Variants in CNTNAP5 observed in about 807,000 individuals in gnomAD.
The protein encoded by CNTNAP5 is contactin-associated protein-like 5.
Under a neutral mutation model 150.2 loss-of-function variants are expected in CNTNAP5, and 72 were observed. The ratio of observed to expected loss-of-function variants is 0.48; its 90% confidence interval spans 0.40 to 0.58. CNTNAP5 has a LOEUF of 0.58. CNTNAP5 is among the 20% of genes least tolerant of loss of function. CNTNAP5 has a pLI of 0.00. For missense variants in CNTNAP5, 1,636 were observed against 1,626.2 expected, an observed-to-expected ratio of 1.01 and a Z score of -0.10; for synonymous variants, 672 against 619.8, an observed-to-expected ratio of 1.08 and a Z score of -1.25.
intron 1 of CNTNAP5, among the ~76,000 whole-genome samples, chr2:124,032,630 C>T (rs908048140): frequency 2.0e-5 from 3 of 151,976 alleles, no homozygotes; most frequent in African/African-American, 7.3e-5. Context: ...CATATATGAG[C>T]TAGTAAACTC....
At chr2:124,348,983 C>G (rs17673411) in intron 3 of CNTNAP5, among the ~76,000 whole-genome samples, 6,740 of 152,140 alleles carry the variant, frequency 0.044, 219 homozygotes, top group Non-Finnish European at 0.07. Context: ...ATGCCCTTCC[C>G]AGAGGTGTGT....
Position 124,147,327 on chromosome 2 carries a change from C to T in CNTNAP5, c.83-74378C>T, listed in dbSNP as rs191873096. 3.9e-5 allele frequency among the ~76,000 whole-genome samples: 6 copies of T among 152,240 alleles called. No individual in the cohort carries two copies. In the East Asian group the frequency reaches 1.2e-3, roughly 29 times the overall value. The stretch of plus-strand genomic sequence containing the variant: ...TATCAGCTAACACACTATATATTAG[C>T]TAACACACAGTGGGATTTGAGACAG... On this transcript the variant is annotated intron_variant, in intron 1 of 23. Coordinates refer to ENST00000682447, the MANE Select transcript of CNTNAP5 (RefSeq NM_001367498.1).
intron 3 of CNTNAP5, among the ~76,000 whole-genome samples, chr2:124,330,565 C>T (rs1215327035): frequency 6.6e-6 from 1 of 152,156 alleles, no homozygotes; most frequent in Admixed American, 6.6e-5. Flanking sequence ...CTTAGCACTT[C>T]TCCTTCCTGC....
chr2:124,072,097 G>A (rs1217973952), intron 1 of CNTNAP5, among the ~76,000 whole-genome samples: 1 of 151,922 alleles, frequency 6.6e-6, no homozygotes, highest in Non-Finnish European at 1.5e-5. Context: ...CAATCAGTGT[G>A]ATACATCTTA....
At chr2:124,761,942 A>G (rs1680963787) in intron 14 of CNTNAP5, among the ~76,000 whole-genome samples, 1 of 152,096 alleles carries the variant, frequency 6.6e-6, no homozygotes, top group Non-Finnish European at 1.5e-5. Context: ...GTTGGCATTG[A>G]TGGGCAGACT....
chr2:124,032,578 A>T (rs1573704271), intron 1 of CNTNAP5, among the ~76,000 whole-genome samples: 1 of 152,238 alleles, frequency 6.6e-6, no homozygotes, highest in Non-Finnish European at 1.5e-5. Context: ...GTTACACAGC[A>T]TTGGAAAAAA....
intron 14 of CNTNAP5, among the ~76,000 whole-genome samples, chr2:124,752,915 A>G (rs1280785244): frequency 1.3e-5 from 2 of 152,144 alleles, no homozygotes; most frequent in Admixed American, 6.5e-5. Flanking sequence ...AGCATGTTGG[A>G]GAAGGCAGAG....
At chr2:124,568,816 C>T (rs1300936146) in intron 11 of CNTNAP5, among the ~76,000 whole-genome samples, 1 of 152,080 alleles carries the variant, frequency 6.6e-6, no homozygotes, top group Non-Finnish European at 1.5e-5. Context: ...GAGGCCGAGG[C>T]GGGCAGATCA....
intron 13 of CNTNAP5, among the ~76,000 whole-genome samples, chr2:124,706,795 AAGGAGG>A (rs1192390906): frequency 1.2e-3 from 22 of 18,872 alleles, no homozygotes; most frequent in African/African-American, 3.9e-3. Context: ...GAAGAAGAAG[AAGGAGG>A]AGGAGGAGGA....
intron 1 of CNTNAP5, among the ~76,000 whole-genome samples, chr2:124,100,086 G>GCAGCCTGTACAGGAAGCATAA (rs146081030): frequency 0.093 from 14,120 of 152,216 alleles, 779 homozygotes; most frequent in Non-Finnish European, 0.13. Flanking sequence ...TCACCGTTAT[G>GCAGCCTGTACAGGAAGCATAA]CAGCTTCTGC....
intron 3 of CNTNAP5, among the ~76,000 whole-genome samples, chr2:124,369,765 T>C (rs776291118): frequency 6.6e-6 from 1 of 152,148 alleles, no homozygotes; most frequent in Non-Finnish European, 1.5e-5. Flanking sequence ...TTCAAAAATC[T>C]TCATCGGACA....
At chr2:124,608,019 AT>A (rs1677294070) in intron 11 of CNTNAP5, among the ~76,000 whole-genome samples, 1 of 152,204 alleles carries the variant, frequency 6.6e-6, no homozygotes, top group East Asian at 1.9e-4. Flanking sequence ...GTTCACTCTA[AT>A]TTATAAAAAG....
chr2:124,532,409 G>A (rs183467110), intron 10 of CNTNAP5, among the ~76,000 whole-genome samples: 51 of 152,200 alleles, frequency 3.4e-4, no homozygotes, highest in East Asian at 2.3e-3. Flanking sequence ...TCTCTGCCCC[G>A]CATCCATGTA....
chr2:124,037,397 G>C (rs1681255145), intron 1 of CNTNAP5, among the ~76,000 whole-genome samples: 1 of 152,144 alleles, frequency 6.6e-6, no homozygotes, highest in South Asian at 2.1e-4. Context: ...GTTCATTGCA[G>C]CATTATCTAC....
intron 19 of CNTNAP5, among the ~76,000 whole-genome samples, chr2:124,799,686 A>T (rs900629447): frequency 1.3e-5 from 2 of 152,178 alleles, no homozygotes; most frequent in Non-Finnish European, 2.9e-5. Context: ...TTCCTCTTTG[A>T]TTCATCTTGC....
chr2:124,750,613 G>A (rs1292435366), intron 14 of CNTNAP5, among the ~76,000 whole-genome samples: 1 of 152,152 alleles, frequency 6.6e-6, no homozygotes, highest in East Asian at 1.9e-4. Flanking sequence ...TGCCCTTGAG[G>A]AACCCTCAGA....
At chr2:124,564,178 T>A (rs990159935) in intron 11 of CNTNAP5, among the ~76,000 whole-genome samples, 26 of 152,116 alleles carry the variant, frequency 1.7e-4, no homozygotes, top group African/African-American at 5.6e-4. Context: ...ACAGGGGTCC[T>A]CTGCTCTGTG....
rs202245541 is a variant in CNTNAP5, at chr2:124,434,511, G to A, written c.557G>A (p.Arg186Gln). The A allele has an allele frequency of 1.0e-4, 167 of 1,613,868 alleles. No homozygotes were observed. In the African/African-American group the frequency reaches 1.3e-3, roughly 12 times the overall value. ...TCAGATGTTGCTGACTTTGATGGCC[G>A]AAGCTCACTTCTGTACAGGTTCAAT... ...YKSDVADFDG[R>Q]SSLLYRFNQK... The change falls in exon 5 of 24, where the codon CGA becomes CAA. Residue 186 changes from arginine to glutamine, a missense_variant. Physicochemically the swap from Arg to Gln is conservative, Grantham distance 43. Transcript: ENST00000682447.
Position 124,591,116 on chromosome 2 carries a change from C to A in CNTNAP5, c.1757-18685C>A, listed in dbSNP as rs76378693. Among the ~76,000 whole-genome samples, 375 of 152,266 alleles carry A rather than the reference C, an allele frequency of 2.5e-3. 1 individual carries two copies. The highest frequency in any genetic ancestry group is 8.5e-3 in the African/African-American group (352 of 41,558). Reference sequence around the variant, plus strand: ...TATCGTTGTCCTTTTCATTGAAGAGCACATATCTTTCTGAGTACCCCTAAT... The same window carrying A: ...TATCGTTGTCCTTTTCATTGAAGAGAACATATCTTTCTGAGTACCCCTAAT... On this transcript the variant is annotated intron_variant, in intron 11 of 23. Transcript: ENST00000682447.
Sources: allele counts gnomAD v4.1 joint callset (sites outside exome capture counted in the v4.1 genomes callset), GRCh38; gene constraint gnomAD v4.1.1; transcripts MANE v1.5; gene names NCBI Gene and HGNC (gene_info 2026-07-23, HGNC 2026-07-21).